Variants in ZBTB5 observed in about 807,000 individuals in gnomAD.
The protein encoded by ZBTB5 is zinc finger and BTB domain containing 5.
In ZBTB5, 15 loss-of-function variants were observed where a neutral mutation model predicts 37.9. The ratio of observed to expected loss-of-function variants is 0.40; its 90% CI spans 0.26 to 0.61. The LOEUF is 0.61. Among genes scored for constraint, ZBTB5 ranks in the 20% least tolerant of loss-of-function variants. The probability of loss-of-function intolerance (pLI) is 0.47; values close to 1 mark genes in which losing one functional copy is unlikely to be tolerated. For missense variants in ZBTB5, 708 were observed against 856.8 expected, an observed-to-expected ratio of 0.83 and a Z score of 2.17; for synonymous variants, 315 against 312.4, an observed-to-expected ratio of 1.01 and a Z score of -0.09.
intron 1 of ZBTB5, among the ~76,000 whole-genome samples, chr9:37,448,411 G>C (rs1424641813): frequency 6.6e-6 from 1 of 152,234 alleles, no homozygotes; most frequent in Non-Finnish European, 1.5e-5. Flanking sequence ...GTGAAGGGGG[G>C]AAGGGGTGCT....
At chr9:37,451,539 CAG>C (rs1449967550) in intron 1 of ZBTB5, among the ~76,000 whole-genome samples, 1 of 103,866 alleles carries the variant, frequency 9.6e-6, no homozygotes, top group East Asian at 3.0e-4. Context: ...GCCTGGGTGA[CAG>C]AGTGAGACTA....
rs144312805 is a variant in ZBTB5, at chr9:37,446,509, T to C, written c.-4-3954A>G. On this transcript the variant is annotated intron_variant, in intron 1 of 1. Coordinates refer to ENST00000307750, the MANE Select transcript of ZBTB5 (RefSeq NM_014872.3). Reference sequence around the variant, plus strand: ...GGCCATATTGTTTTGCCTATGTTTGTTGAGCTTTGATGAACTTTCAACAAC... The same window carrying C: ...GGCCATATTGTTTTGCCTATGTTTGCTGAGCTTTGATGAACTTTCAACAAC... 5.9e-5 allele frequency among the ~76,000 whole-genome samples: 9 copies of C among 152,372 alleles called. No homozygotes were observed. In the East Asian group the frequency reaches 1.5e-3, roughly 26 times the overall value.
chr9:37,439,850 GA>G lies in ZBTB5; in HGVS notation c.*667del, dbSNP rs1246887082. 6.6e-6 allele frequency: 1 copy of G among 152,616 alleles called. No individual in the cohort carries two copies. Among genetic ancestry groups the G allele is most frequent in the Non-Finnish European group, 1.5e-5 (1 of 68,114 alleles). 9.5% of individuals were successfully genotyped at this position (152,616 alleles called of 1,614,324 possible). A position where few individuals can be genotyped will look rare whatever the true frequency, so the allele number is the denominator to read the frequency against. On this transcript the variant is annotated 3_prime_UTR_variant, in exon 2 of 2. Transcript: ENST00000307750. ...CATTTACAATTTGGTTTTTAAACCA[GA>G]AAAAACTGTTAAAACATCTATCCAA...
At chr9:37,460,525 G>A (rs556705338) in intron 1 of ZBTB5, among the ~76,000 whole-genome samples, 1 of 152,310 alleles carries the variant, frequency 6.6e-6, no homozygotes, top group African/African-American at 2.4e-5. Flanking sequence ...TTTGAGACCT[G>A]CTTGGTTAAC....
chr9:37,465,394 G>C lies in ZBTB5; in HGVS notation c.-184C>G, dbSNP rs973765397. ...TCTAGTCCCCTAGCTCCTCCAGCCA[G>C]TTCGCCGCAGCACTCTGAGAACACG... is the stretch of plus-strand genomic sequence containing the variant. On this transcript the variant is annotated 5_prime_UTR_variant, in exon 1 of 2. Coordinates refer to ENST00000307750, the MANE Select transcript of ZBTB5 (RefSeq NM_014872.3). The C allele has an allele frequency of 1.6e-5, 2 of 122,404 alleles. No homozygotes were observed. Among genetic ancestry groups the C allele is most frequent in the African/African-American group, 6.1e-5 (2 of 32,918 alleles). 7.6% of individuals were successfully genotyped at this position (122,404 alleles called of 1,614,324 possible). A position where few individuals can be genotyped will look rare whatever the true frequency, so the allele number is the denominator to read the frequency against.
chr9:37,463,579 C>T (rs1824333477), intron 1 of ZBTB5, among the ~76,000 whole-genome samples: 1 of 152,172 alleles, frequency 6.6e-6, no homozygotes, highest in Non-Finnish European at 1.5e-5. Flanking sequence ...CGATATAATT[C>T]ATGCTGAGTT....
intron 1 of ZBTB5, among the ~76,000 whole-genome samples, chr9:37,451,614 T>C (rs986874926): frequency 2.6e-5 from 4 of 151,428 alleles, no homozygotes; most frequent in Non-Finnish European, 5.9e-5. Context: ...ATATACACTT[T>C]TGGTAAGATG....
chr9:37,452,738 C>G (rs1824125108), intron 1 of ZBTB5, among the ~76,000 whole-genome samples: 1 of 152,188 alleles, frequency 6.6e-6, no homozygotes, highest in African/African-American at 2.4e-5. Context: ...CACCTCAAGG[C>G]AAAGGTGCTG....
At position 37,441,042 on chromosome 9, in the gene ZBTB5, T is replaced by C. The variant is rs1823861585; in HGVS notation, c.1510A>G (p.Met504Val). The C allele has an allele frequency of 1.9e-6, 3 of 1,614,002 alleles. No individual in the cohort carries two copies. The highest frequency in any genetic ancestry group is 2.2e-5 in the East Asian group (1 of 44,892). Residue 504 changes from methionine (M) to valine (V), a missense_variant, in exon 2 of 2, where the codon ATG becomes GTG. This residue lies in a region of ZBTB5 where 639 missense variants were observed against 690.5 expected (regional missense o/e 0.93). Coordinates refer to ENST00000307750, the MANE Select transcript of ZBTB5 (RefSeq NM_014872.3). ...CCCAAACCAGACCTGGAAAAGTCCA[T>C]CCCAAACTGTTCTCCTCCTTGGTAG... is the stretch of plus-strand genomic sequence containing the variant. ...SGYQGGEQFG[M>V]DFSRSGLGLH...
intron 1 of ZBTB5, among the ~76,000 whole-genome samples, chr9:37,461,188 C>T (rs1824286954): frequency 6.6e-6 from 1 of 152,174 alleles, no homozygotes. Context: ...TGGGCTCCTC[C>T]CACAACCAAA....
chr9:37,447,850 A>G (rs1824019171), intron 1 of ZBTB5, among the ~76,000 whole-genome samples: 2 of 151,982 alleles, frequency 1.3e-5, no homozygotes, highest in African/African-American at 4.8e-5. Flanking sequence ...TATATGAGAA[A>G]AATGGCTTAC....
At position 37,442,147 on chromosome 9, in the gene ZBTB5, C is replaced by G. The variant is rs1447724102; in HGVS notation, c.405G>C (p.Glu135Asp). 1.9e-6 allele frequency: 3 copies of G among 1,614,090 alleles called. No homozygotes were observed. Among genetic ancestry groups the G allele is most frequent in the Non-Finnish European group, 2.5e-6 (3 of 1,180,050 alleles). ...PMSPPSERVQEQSARMQRSFM... is the reference protein window; with the variant it reads ...PMSPPSERVQDQSARMQRSFM... ...AGGAGCGCTGCATGCGGGCGCTCTG[C>G]TCCTGAACGCGCTCACTGGGGGGAG... is the stretch of plus-strand genomic sequence containing the variant. Residue 135 changes from glutamate (E) to aspartate (D), a missense_variant, in exon 2 of 2, where the codon GAG becomes GAC. This residue lies in a region of ZBTB5 where 639 missense variants were observed against 690.5 expected (regional missense o/e 0.93). Coordinates refer to ENST00000307750, the MANE Select transcript of ZBTB5 (RefSeq NM_014872.3).
rs2118933042 is a variant in ZBTB5 at position 37,441,997 on chromosome 9, G to A, written c.555C>T (p.Phe185=). The A allele has an allele frequency of 6.2e-7, 1 of 1,613,876 alleles. No homozygotes were observed. The highest frequency in any genetic ancestry group is 8.5e-7 in the Non-Finnish European group (1 of 1,180,044). The part of the protein sequence containing the change: ...MRSNLDQRTP[F]PMRRLHKRKQ... ...TGCGCTTATGAAGGCGTCTCATGGG[G>A]AAGGGCGTGCGCTGATCCAGGTTAC... The change falls in exon 2 of 2, where the codon TTC becomes TTT. Residue 185 remains phenylalanine (F), a synonymous_variant. Transcript: ENST00000307750.
Position 37,441,713 on chromosome 9 carries a change from G to T in ZBTB5, c.839C>A (p.Ala280Asp), listed in dbSNP as rs756211364. ...CATGGACAACTGTGCCATGTTGCCA[G>T]CACTGTTATCAGACTGGCTGGGCAC... ...AQVPSQSDNS[A>D]GNMAQLSMAS... The change falls in exon 2 of 2, where the codon GCT (alanine) becomes GAT (aspartate). Residue 280 changes from alanine to aspartate, a missense_variant. By Grantham distance (126) the Ala-to-Asp change is moderately radical. Coordinates refer to ENST00000307750, the MANE Select transcript of ZBTB5 (RefSeq NM_014872.3). 6.2e-7 allele frequency: 1 copy of T among 1,613,924 alleles called. No individual in the cohort carries two copies. The highest frequency in any genetic ancestry group is 1.3e-5 in the African/African-American group (1 of 74,888).
At chr9:37,458,994 T>C (rs1361875413) in intron 1 of ZBTB5, among the ~76,000 whole-genome samples, 1 of 152,166 alleles carries the variant, frequency 6.6e-6, no homozygotes, top group African/African-American at 2.4e-5. Context: ...ATCTGAAAAA[T>C]CTACTGAAAT....
intron 1 of ZBTB5, among the ~76,000 whole-genome samples, chr9:37,445,837 A>AT (rs750918480): frequency 2.0e-5 from 3 of 152,044 alleles, no homozygotes; most frequent in Non-Finnish European, 2.9e-5. Flanking sequence ...GTGGTAGCTC[A>AT]TGGCTGTAAT....
intron 1 of ZBTB5, among the ~76,000 whole-genome samples, chr9:37,447,855 GCTTA>G (rs1564311516): frequency 1.3e-5 from 2 of 150,270 alleles, no homozygotes; most frequent in South Asian, 2.1e-4. Context: ...GAGAAAAATG[GCTTA>G]CTTAAAAATT....
Position 37,439,521 on chromosome 9 carries a change from G to A in ZBTB5, c.*997C>T, listed in dbSNP as rs758362762. 7 of 152,116 alleles carry A rather than the reference G, an allele frequency of 4.6e-5. No individual in the cohort carries two copies. Among genetic ancestry groups the A allele is most frequent in the Non-Finnish European group, 5.9e-5 (4 of 68,022 alleles). 9.4% of individuals were successfully genotyped at this position (152,116 alleles called of 1,614,324 possible). A position where few individuals can be genotyped will look rare whatever the true frequency, so the allele number is the denominator to read the frequency against. On this transcript the variant is annotated 3_prime_UTR_variant, in exon 2 of 2. Coordinates refer to ENST00000307750, the MANE Select transcript of ZBTB5 (RefSeq NM_014872.3). ...TTTTGGTTAATCTGTCGTCGAAAAC[G>A]GTAATCTAAACCTGGGAGAGTTGCT...
intron 1 of ZBTB5, among the ~76,000 whole-genome samples, chr9:37,463,957 G>A (rs959678390): frequency 6.6e-6 from 1 of 152,202 alleles, no homozygotes; most frequent in Non-Finnish European, 1.5e-5. Flanking sequence ...TGGTGGCCAG[G>A]TCAATCTTCC....
Sources: allele counts gnomAD v4.1 joint callset (sites outside exome capture counted in the v4.1 genomes callset), GRCh38; gene constraint gnomAD v4.1.1; regional missense constraint gnomAD v4.1.1; transcripts MANE v1.5; gene names NCBI Gene and HGNC (gene_info 2026-07-23, HGNC 2026-07-21).